The following ROS1 variants were observed in gnomAD, a reference collection of about 807,000 sequenced individuals.
ROS1 encodes proto-oncogene tyrosine-protein kinase ROS.
In ROS1, 263 loss-of-function variants were observed where a neutral mutation model predicts 273.5. The observed-to-expected ratio is 0.96, with a 90% CI of 0.87 to 1.06. The LOEUF (loss-of-function observed/expected upper bound fraction) is 1.06. ROS1 is among the 50% of genes least tolerant of loss of function. The pLI is 0.00. For missense variants in ROS1, 2,833 were observed against 2,751.1 expected, an observed-to-expected ratio of 1.03 and a Z score of -0.67; for synonymous variants, 1,008 against 954.1, an observed-to-expected ratio of 1.06 and a Z score of -1.04.
In ROS1 at chr6:117,361,266, G is replaced by T. The variant is rs1475620794; in HGVS notation, c.3367-861C>A. Among the ~76,000 whole-genome samples the T allele has an allele frequency of 2.0e-5, 3 of 151,736 alleles. No homozygotes were observed. In the South Asian group the frequency reaches 6.2e-4, roughly 32 times the overall value. On this transcript the variant is annotated intron_variant, in intron 22 of 43. Coordinates refer to ENST00000368507, the MANE Select transcript of ROS1 (RefSeq NM_001378902.1). ...TTCCAAACCTTGCATATGTACAGTA[G>T]CCTGCAAAGAAAATTGACATCTATA...
intron 4 of ROS1, among the ~76,000 whole-genome samples, chr6:117,410,090 AT>A (rs758440827): frequency 2.6e-5 from 4 of 152,156 alleles, no homozygotes; most frequent in Non-Finnish European, 5.9e-5. Context: ...ATTTTAGAAC[AT>A]TTTCGTTGTC....
rs778430042 is a variant in ROS1 at position 117,397,067 on chromosome 6, GT to G, written c.653del (p.Asp218AlafsTer22). 8 of 1,613,930 alleles carry G rather than the reference GT, an allele frequency of 5.0e-6. No homozygotes were observed. In the East Asian group the frequency reaches 1.8e-4, roughly 36 times the overall value. On this transcript the variant is annotated frameshift_variant, in exon 8 of 44. Transcript: ENST00000368507. LOFTEE classifies it high-confidence loss of function. Reference protein sequence around the residue: ...LIRNIESSSPDTVEVSWDPPQ... With the variant: ...LIRNIESSSPXTVEVSWDPPQ... ...GTGGATCCCAGCTGACTTCCACAGT[GT>G]CGGGACTTGAGCTCTCAATATTCCT...
At chr6:117,367,661 T>C (rs920885550) in intron 18 of ROS1, among the ~76,000 whole-genome samples, 12 of 152,206 alleles carry the variant, frequency 7.9e-5, no homozygotes, top group Admixed American at 6.5e-4. Flanking sequence ...CAGATAGAAC[T>C]GCATGGAACC....
At chr6:117,349,825 T>TACCACTTCACTGCAA (rs917313438) in intron 27 of ROS1, among the ~76,000 whole-genome samples, 1 of 152,080 alleles carries the variant, frequency 6.6e-6, no homozygotes, top group African/African-American at 2.4e-5. Context: ...AACAACACTA[T>TACCACTTCACTGCAA]ACCACTTCAC....
chr6:117,334,195 C>A (rs1025370699), intron 32 of ROS1, among the ~76,000 whole-genome samples: 1 of 152,094 alleles, frequency 6.6e-6, no homozygotes, highest in Non-Finnish European at 1.5e-5. Context: ...TTCCTTTACA[C>A]CAACAATAGG....
chr6:117,347,041 A>G (rs1778435874), intron 27 of ROS1, among the ~76,000 whole-genome samples: 1 of 152,164 alleles, frequency 6.6e-6, no homozygotes, highest in African/African-American at 2.4e-5. Flanking sequence ...ATAGCTACCT[A>G]TTCTAGGTCT....
rs575052334 is a variant in ROS1 at position 117,425,301 on chromosome 6, T to C, written c.123+233A>G. Among the ~76,000 whole-genome samples, 14 of 152,342 alleles carry C rather than the reference T, an allele frequency of 9.2e-5. No individual in the cohort carries two copies. In the South Asian group the frequency reaches 2.7e-3, roughly 29 times the overall value. On this transcript the variant is annotated intron_variant, in intron 1 of 43. Transcript: ENST00000368507. Reference sequence around the variant, plus strand: ...TTTAAACCTCCTTTACCCAGTCCTCTAGCCCAAAAAATATATGACCACATA... The same window carrying C: ...TTTAAACCTCCTTTACCCAGTCCTCCAGCCCAAAAAATATATGACCACATA...
In ROS1 at chr6:117,326,081, G is replaced by A. The variant is rs903157087; in HGVS notation, c.5539+143C>T. On this transcript the variant is annotated intron_variant, in intron 34 of 43. Coordinates refer to ENST00000368507, the MANE Select transcript of ROS1 (RefSeq NM_001378902.1). ...ATGAATGGAATAGTTTAATAGTTTGGATAATAAGATTATATATATATATAT... is the reference window on the plus strand; with the variant it reads ...ATGAATGGAATAGTTTAATAGTTTGAATAATAAGATTATATATATATATAT... 7.5e-5 allele frequency: 14 copies of A among 187,040 alleles called. No homozygotes were observed. The South Asian group carries it at 3.9e-3, about 52-fold the overall frequency. The allele number at this position is 187,040 out of a possible 1,614,324, so 11.6% of individuals were successfully genotyped here. A position where few individuals can be genotyped will look rare whatever the true frequency, so the allele number is the denominator to read the frequency against.
chr6:117,394,190 T>C lies in ROS1; in HGVS notation c.1163A>G (p.Gln388Arg). ...TTCATCCATGATGAAATACATTCTT[T>C]GATAAAGCCAATCTATGGAGATAGA... Reference protein sequence around the residue: ...ISSISIDWLYQRMYFIMDELV... With the variant: ...ISSISIDWLYRRMYFIMDELV... Residue 388 changes from glutamine to arginine, a missense_variant, in exon 11 of 44, where the codon CAA becomes CGA. By Grantham distance (43) the Gln-to-Arg change is conservative. Transcript: ENST00000368507. 1 of 1,595,742 alleles carries C rather than the reference T, an allele frequency of 6.3e-7. No homozygotes were observed. Among genetic ancestry groups the C allele is most frequent in the Non-Finnish European group, 8.5e-7 (1 of 1,172,556 alleles).
At chr6:117,419,581 G>A (rs143730858) in intron 1 of ROS1, among the ~76,000 whole-genome samples, 2 of 152,186 alleles carry the variant, frequency 1.3e-5, no homozygotes, top group East Asian at 3.8e-4. Context: ...TTGCAACCGA[G>A]TGCTTAATAG....
At chr6:117,366,015 C>G (rs1200269337) in intron 19 of ROS1, 61 bp downstream of exon 19, 12 of 1,362,180 alleles carry the variant, frequency 8.8e-6, no homozygotes, top group Non-Finnish European at 1.1e-5. Context: ...ATATCCCAAC[C>G]TAAACATTTA....
chr6:117,405,478 G>C (rs556540437), intron 5 of ROS1, among the ~76,000 whole-genome samples: 1 of 152,222 alleles, frequency 6.6e-6, no homozygotes, highest in South Asian at 2.1e-4. Flanking sequence ...GCAGGAATTA[G>C]GTATGCTGTG....
intron 26 of ROS1, 100 bp downstream of exon 26, chr6:117,356,529 G>T: frequency 9.7e-7 from 1 of 1,035,098 alleles, no homozygotes; most frequent in Non-Finnish European, 1.4e-6. Context: ...CAAATATCAT[G>T]TGTATATTTG....
chr6:117,402,667 C>T (rs924875127), intron 7 of ROS1, among the ~76,000 whole-genome samples: 2 of 152,102 alleles, frequency 1.3e-5, no homozygotes, highest in African/African-American at 4.8e-5. Context: ...GCGGGCAGAT[C>T]ACTTGAGGTC....
rs1779358889 is a variant in ROS1 at position 117,356,867 on chromosome 6, G to A, written c.3888C>T (p.Tyr1296=). 1.9e-6 allele frequency: 3 copies of A among 1,613,604 alleles called. No individual in the cohort carries two copies. Among genetic ancestry groups the A allele is most frequent in the Middle Eastern group, 1.7e-4 (1 of 6,060 alleles). Residue 1296 remains tyrosine, a synonymous_variant, in exon 26 of 44, where the codon TAC becomes TAT. Transcript: ENST00000368507. ...EVSNFGYQMF[Y]YSIISHTLHR... ...GCAAGGTGTGACTGATAATACTGTA[G>A]TAGAACATCTGGTAGCCAAAATTGG...
chr6:117,370,996 A>C (rs1295221238), intron 18 of ROS1, among the ~76,000 whole-genome samples: 1 of 152,236 alleles, frequency 6.6e-6, no homozygotes, highest in East Asian at 1.9e-4. Context: ...TGTGTAAAAA[A>C]GCAACATCCT....
At chr6:117,408,039 TTAC>T (rs1266509576) in intron 5 of ROS1, among the ~76,000 whole-genome samples, 4 of 152,056 alleles carry the variant, frequency 2.6e-5, no homozygotes, top group African/African-American at 9.7e-5. Flanking sequence ...GATCCCTTCC[TTAC>T]ACCTTATACA....
Position 117,389,754 on chromosome 6 carries a change from C to T in ROS1, c.1382G>A (p.Ser461Asn), listed in dbSNP as rs777130376. 8 of 1,614,032 alleles carry T rather than the reference C, an allele frequency of 5.0e-6. No individual in the cohort carries two copies. The highest frequency in any genetic ancestry group is 2.2e-5 in the East Asian group (1 of 44,884). Residue 461 changes from serine (S) to asparagine (N), a missense_variant, in exon 13 of 44, where the codon AGT becomes AAT. Coordinates refer to ENST00000368507, the MANE Select transcript of ROS1 (RefSeq NM_001378902.1). Reference protein sequence around the residue: ...RCAEAVRIVESCTLKDFAIKP... With the variant: ...RCAEAVRIVENCTLKDFAIKP... ...GATTGCAAAGTCCTTTAACGTGCAACTCTCCACAATACGCACAGCTTCTGC... is the reference window on the plus strand; with the variant it reads ...GATTGCAAAGTCCTTTAACGTGCAATTCTCCACAATACGCACAGCTTCTGC...
chr6:117,425,437 ACTC>A (rs1776065774), intron 1 of ROS1, 94 bp downstream of exon 1: 3 of 1,269,072 alleles, frequency 2.4e-6, no homozygotes, highest in Non-Finnish European at 3.2e-6. Context: ...TCATAAGAAA[ACTC>A]CTCATAAAGA....
Sources: allele counts gnomAD v4.1 joint callset (sites outside exome capture counted in the v4.1 genomes callset), GRCh38; gene constraint gnomAD v4.1.1; transcripts MANE v1.5; gene names NCBI Gene and HGNC (gene_info 2026-07-23, HGNC 2026-07-21).